CHN1: variants seen among roughly 807,000 people sequenced by gnomAD.
CHN1 encodes the protein chimerin 1, also known as N-chimaerin.
Under a neutral mutation model 59.5 loss-of-function variants are expected in CHN1, and 37 were observed. The observed-to-expected ratio is 0.62, with a 90% CI of 0.48 to 0.82. The LOEUF (loss-of-function observed/expected upper bound fraction) is 0.82, where lower values mean the gene tolerates loss of function less well. CHN1 is among the 40% of genes least tolerant of loss of function. CHN1 has a pLI of 0.00. For synonymous variants in CHN1, 206 were observed against 200.4 expected (o/e 1.03, Z -0.24); for missense variants, 469 against 571.0 (o/e 0.82, Z 1.82).
At chr2:174,858,536 ACT>A (rs2105449858) in intron 6 of CHN1, among the ~76,000 whole-genome samples, 1 of 152,038 alleles carries the variant, frequency 6.6e-6, no homozygotes, top group East Asian at 1.9e-4. Context: ...CTTTGTAATG[ACT>A]CTGCTATACT....
intron 1 of CHN1, among the ~76,000 whole-genome samples, chr2:174,993,531 G>A (rs998806000): frequency 4.6e-5 from 7 of 151,790 alleles, no homozygotes; most frequent in South Asian, 2.1e-4. Flanking sequence ...TGGAAGGGGA[G>A]CATACAGAGA....
intron 1 of CHN1, among the ~76,000 whole-genome samples, chr2:174,998,145 A>G (rs1368263036): frequency 6.6e-6 from 1 of 151,890 alleles, no homozygotes; most frequent in East Asian, 1.9e-4. Context: ...TCTACTAAAT[A>G]CGCAAAAATT....
chr2:174,851,338 G>A (rs1005664645), intron 6 of CHN1, among the ~76,000 whole-genome samples: 1 of 151,990 alleles, frequency 6.6e-6, no homozygotes, highest in African/African-American at 2.4e-5. Flanking sequence ...GGAGTGCAGT[G>A]GTGTGACCAG....
intron 3 of CHN1, among the ~76,000 whole-genome samples, chr2:174,942,807 T>C (rs2105401738): frequency 6.6e-6 from 1 of 152,310 alleles, no homozygotes; most frequent in South Asian, 2.1e-4. Flanking sequence ...CCCAACACTT[T>C]AGGAGGCCAC....
At chr2:174,919,207 C>T (rs1032250650) in intron 3 of CHN1, among the ~76,000 whole-genome samples, 6 of 152,184 alleles carry the variant, frequency 3.9e-5, no homozygotes, top group Admixed American at 3.9e-4. Context: ...TTGGAACTTA[C>T]ATTCTAATAG....
intron 3 of CHN1, among the ~76,000 whole-genome samples, chr2:174,921,489 T>C (rs1340794590): frequency 6.6e-6 from 1 of 152,152 alleles, no homozygotes; most frequent in Non-Finnish European, 1.5e-5. Context: ...GTAAAATAAA[T>C]TTTTAATATG....
chr2:174,935,309 C>T (rs1386953298), intron 3 of CHN1, among the ~76,000 whole-genome samples: 3 of 152,156 alleles, frequency 2.0e-5, no homozygotes, highest in African/African-American at 2.4e-5. Context: ...AACCTGAGGG[C>T]CTGGCAGATG....
chr2:174,806,574 G>C (rs899516907), intron 11 of CHN1, among the ~76,000 whole-genome samples: 1 of 152,070 alleles, frequency 6.6e-6, no homozygotes, highest in Non-Finnish European at 1.5e-5. Context: ...TGACAGAGTG[G>C]GTAAAGCAAG....
At chr2:174,894,819 C>T (rs1688161062) in intron 5 of CHN1, among the ~76,000 whole-genome samples, 1 of 152,002 alleles carries the variant, frequency 6.6e-6, no homozygotes, top group South Asian at 2.1e-4. Context: ...TATGGTCAAC[C>T]ACGGTCTGAA....
chr2:174,969,530 T>C (rs185097658), intron 1 of CHN1, among the ~76,000 whole-genome samples: 2 of 152,304 alleles, frequency 1.3e-5, no homozygotes, highest in East Asian at 3.9e-4. Flanking sequence ...TCCTCTGCCA[T>C]TCATCAGACA....
chr2:174,966,033 A>T (rs1175010951), intron 1 of CHN1, among the ~76,000 whole-genome samples: 2 of 152,164 alleles, frequency 1.3e-5, no homozygotes, highest in African/African-American at 4.8e-5. Flanking sequence ...GAGAAACAAA[A>T]ATGAGCCTTG....
chr2:174,861,459 T>C, intron 6 of CHN1, among the ~76,000 whole-genome samples: 1 of 152,220 alleles, frequency 6.6e-6, no homozygotes, highest in Non-Finnish European at 1.5e-5. Context: ...TAAGCCTCTC[T>C]GAATTCTTCA....
intron 1 of CHN1, among the ~76,000 whole-genome samples, chr2:174,991,060 T>C (rs995507831): frequency 4.6e-5 from 7 of 152,256 alleles, no homozygotes; most frequent in Admixed American, 3.9e-4. Context: ...TGGTTTAATA[T>C]ATTCCATTCT....
In CHN1 at chr2:174,969,161, T is replaced by C. The variant is rs1401535607; in HGVS notation, c.20-16959A>G. Among the ~76,000 whole-genome samples, 5 of 152,326 alleles carry C rather than the reference T, an allele frequency of 3.3e-5. No individual in the cohort carries two copies. In the South Asian group the frequency reaches 6.2e-4, roughly 19 times the overall value. ...ATTACAGACCTGCTACTGTTATTAA[T>C]ATTTACAGCTGATCGTGTTAAAACA... is the stretch of plus-strand genomic sequence containing the variant. On this transcript the variant is annotated intron_variant, in intron 1 of 12. Coordinates refer to ENST00000409900, the MANE Select transcript of CHN1 (RefSeq NM_001822.7).
At chr2:174,834,506 T>A (rs1163973050) in intron 7 of CHN1, among the ~76,000 whole-genome samples, 1 of 152,202 alleles carries the variant, frequency 6.6e-6, no homozygotes, top group Non-Finnish European at 1.5e-5. Context: ...TTTCTCTTCA[T>A]CTCTGAAAGA....
Position 174,971,861 on chromosome 2 carries a change from C to T in CHN1, c.20-19659G>A, listed in dbSNP as rs143741980. On this transcript the variant is annotated intron_variant, in intron 1 of 12. Coordinates refer to ENST00000409900, the MANE Select transcript of CHN1 (RefSeq NM_001822.7). ...CCTAGGTGACTACATCTAAAATTAT[C>T]AAGGCAATAAGAAGAAGCCAAAATA... is the stretch of plus-strand genomic sequence containing the variant. Among the ~76,000 whole-genome samples, 22 of 152,224 alleles carry T rather than the reference C, an allele frequency of 1.4e-4. No individual in the cohort carries two copies. The East Asian group carries it at 4.3e-3, about 29-fold the overall frequency.
chr2:174,986,588 C>G (rs535258986), intron 1 of CHN1, among the ~76,000 whole-genome samples: 45 of 151,548 alleles, frequency 3.0e-4, no homozygotes, highest in African/African-American at 8.7e-4. Flanking sequence ...TACTTATAAA[C>G]AGATTTTCTT....
chr2:174,889,647 C>T (rs1687990595), intron 5 of CHN1, among the ~76,000 whole-genome samples: 1 of 152,030 alleles, frequency 6.6e-6, no homozygotes, highest in Non-Finnish European at 1.5e-5. Context: ...AACTTAAAGA[C>T]AGGTCATTTG....
At chr2:174,934,471 C>A (rs1179519490) in intron 3 of CHN1, among the ~76,000 whole-genome samples, 2 of 152,176 alleles carry the variant, frequency 1.3e-5, no homozygotes, top group African/African-American at 4.8e-5. Context: ...CACCTGCCTG[C>A]TGCTCACCTC....
Sources: allele counts gnomAD v4.1 joint callset (sites outside exome capture counted in the v4.1 genomes callset), GRCh38; gene constraint gnomAD v4.1.1; transcripts MANE v1.5; gene names NCBI Gene and HGNC (gene_info 2026-07-23, HGNC 2026-07-21).